Variants in CATSPERT observed in about 807,000 individuals in gnomAD.
The protein encoded by CATSPERT is catsper channel auxiliary subunit tau.
At chr2:201,603,033 A>G in the CATSPERT span, among the ~76,000 whole-genome samples, 1 of 152,216 alleles carries the variant, frequency 6.6e-6, no homozygotes, top group African/African-American at 2.4e-5. Context: ...GCCCTTTTGA[A>G]CTGTCAGACA....
At chr2:201,611,505 CAA>C in the CATSPERT span, among the ~76,000 whole-genome samples, 4 of 151,932 alleles carry the variant, frequency 2.6e-5, no homozygotes, top group African/African-American at 9.7e-5. Flanking sequence ...ATATCTACAT[CAA>C]AAAAGAAGAT....
At chr2:201,601,919 G>C in the CATSPERT span, 2 of 1,491,944 alleles carry the variant, frequency 1.3e-6, no homozygotes, top group Non-Finnish European at 1.8e-6. Context: ...AATAAATTTT[G>C]TTGTAATTGA....
chr2:201,573,750 A>G, the CATSPERT span, among the ~76,000 whole-genome samples: 7 of 152,046 alleles, frequency 4.6e-5, no homozygotes, highest in Non-Finnish European at 7.4e-5. Flanking sequence ...CCCGCCTCCC[A>G]GGTTCAAGCG....
chr2:201,578,022 A>C, the CATSPERT span, among the ~76,000 whole-genome samples: 2 of 152,156 alleles, frequency 1.3e-5, no homozygotes, highest in Non-Finnish European at 2.9e-5. Flanking sequence ...TCAGCTAAAA[A>C]ATTAATTTAT....
the CATSPERT span, among the ~76,000 whole-genome samples, chr2:201,573,782 A>C: frequency 0.017 from 2,549 of 151,890 alleles, 77 homozygotes; most frequent in African/African-American, 0.058. Flanking sequence ...CCAGCCTCCC[A>C]AGTAGCTGGG....
At chr2:201,518,919 T>G in the CATSPERT span, among the ~76,000 whole-genome samples, 1 of 152,206 alleles carries the variant, frequency 6.6e-6, no homozygotes, top group Non-Finnish European at 1.5e-5. Context: ...AAGTAGTAAT[T>G]TGTATGTCAC....
At chr2:201,534,687 A>G in the CATSPERT span, 1 of 983,354 alleles carries the variant, frequency 1.0e-6, no homozygotes, top group Non-Finnish European at 1.2e-6. Flanking sequence ...GTAAAGTGGT[A>G]CAGTCTTTCT....
At chr2:201,561,723 A>T in the CATSPERT span, among the ~76,000 whole-genome samples, 1 of 152,064 alleles carries the variant, frequency 6.6e-6, no homozygotes, top group Non-Finnish European at 1.5e-5. Flanking sequence ...AGTACAAAAA[A>T]ATTAGCCGGG....
At chr2:201,504,193 A>G in the CATSPERT span, among the ~76,000 whole-genome samples, 10 of 152,138 alleles carry the variant, frequency 6.6e-5, no homozygotes, top group Non-Finnish European at 1.5e-4. Context: ...CTGTCTGCTA[A>G]ATTTCAGACT....
the CATSPERT span, among the ~76,000 whole-genome samples, chr2:201,585,126 C>T: frequency 6.6e-6 from 1 of 151,856 alleles, no homozygotes; most frequent in East Asian, 1.9e-4. Context: ...TGCAAACTAA[C>T]AAAAGAACAG....
the CATSPERT span, chr2:201,547,615 A>G: frequency 1.4e-6 from 2 of 1,435,964 alleles, no homozygotes; most frequent in Admixed American, 2.3e-5. Context: ...TCCAGCCTAA[A>G]GAAAGAAATA....
the CATSPERT span, chr2:201,494,737 C>A: frequency 2.0e-6 from 3 of 1,507,116 alleles, no homozygotes; most frequent in African/African-American, 4.2e-5. Flanking sequence ...AGGATCAAAA[C>A]CGTTCTTGTT....
chr2:201,605,777 G>A, the CATSPERT span, among the ~76,000 whole-genome samples: 6 of 152,244 alleles, frequency 3.9e-5, no homozygotes, highest in East Asian at 9.6e-4. Flanking sequence ...CTTCAAACAA[G>A]CATTTGGAGA....
the CATSPERT span, among the ~76,000 whole-genome samples, chr2:201,596,403 C>A: frequency 2.0e-5 from 3 of 152,046 alleles, no homozygotes; most frequent in African/African-American, 4.8e-5. Context: ...TAGAGGGGAA[C>A]AATACACAGT....
chr2:201,494,742 C>T, the CATSPERT span: 2 of 1,498,316 alleles, frequency 1.3e-6, no homozygotes, highest in Non-Finnish European at 1.8e-6. Context: ...CAAAACCGTT[C>T]TTGTTGAATT....
the CATSPERT span, among the ~76,000 whole-genome samples, chr2:201,613,125 G>A: frequency 0.23 from 35,746 of 152,204 alleles, 4,835 homozygotes; most frequent in Non-Finnish European, 0.3. Context: ...CCTCTGGGGG[G>A]CAGGGCATAG....
the CATSPERT span, chr2:201,565,936 C>T: frequency 1.8e-5 from 26 of 1,427,150 alleles, no homozygotes; most frequent in Admixed American, 6.5e-5. Context: ...AAATCAGTGG[C>T]AGCTATCACT....
chr2:201,543,945 G>GT, the CATSPERT span, among the ~76,000 whole-genome samples: 1 of 151,910 alleles, frequency 6.6e-6, no homozygotes, highest in Non-Finnish European at 1.5e-5. Flanking sequence ...TGCCATGTTG[G>GT]TGTGCTGCAC....
At chr2:201,615,093 A>G in the CATSPERT span, among the ~76,000 whole-genome samples, 1 of 152,322 alleles carries the variant, frequency 6.6e-6, no homozygotes, top group Non-Finnish European at 1.5e-5. Context: ...TTAGACTCCC[A>G]CACAATAATA....
Sources: gnomAD v4.1 joint callset for allele counts (sites outside exome capture counted in the v4.1 genomes callset) on GRCh38, gnomAD v4.1.1 for gene constraint, MANE v1.5 for transcripts, NCBI Gene and HGNC (gene_info 2026-07-23, HGNC 2026-07-21) for gene names.